Variants in HTR3A observed in about 807,000 individuals in gnomAD.
HTR3A encodes 5-hydroxytryptamine (serotonin) receptor 3A, ionotropic.
HTR3A carries 45 observed loss-of-function variants against 54.8 expected under a neutral mutation model. The observed-to-expected ratio is 0.82, with a 90% confidence interval of 0.65 to 1.05. The LOEUF (loss-of-function observed/expected upper bound fraction) is 1.05. Ranked by LOEUF, HTR3A falls within the 50% of genes least tolerant of loss-of-function variation. The pLI is 0.00. For missense variants in HTR3A, 657 were observed against 614.0 expected, an observed-to-expected ratio of 1.07 and a Z score of -0.74; for synonymous variants, 297 against 256.0, an observed-to-expected ratio of 1.16 and a Z score of -1.53.
chr11:113,977,708 G>T, intron 1 of HTR3A, 63 bp from the exon 2 acceptor site: 1 of 1,584,282 alleles, frequency 6.3e-7, no homozygotes, highest in South Asian at 1.1e-5. Flanking sequence ...TACAAACCAG[G>T]ACAAGAGAAC....
In HTR3A at chr11:113,983,302, G is replaced by T. The variant is rs1950446414; in HGVS notation, c.544+13G>T. The T allele has an allele frequency of 1.2e-6, 2 of 1,613,484 alleles. No homozygotes were observed. Among genetic ancestry groups the T allele is most frequent in the Admixed American group, 3.3e-5 (2 of 60,028 alleles). Reference sequence around the variant, plus strand: ...TGGCTGCACACCAGTGAGTATGTGGGCTTCGCCGGGACAGGGGTGGAGGTT... The same window carrying T: ...TGGCTGCACACCAGTGAGTATGTGGTCTTCGCCGGGACAGGGGTGGAGGTT... On this transcript the variant is annotated intron_variant, in intron 5 of 8. Coordinates refer to ENST00000504030, the MANE Select transcript of HTR3A (RefSeq NM_000869.6).
intron 5 of HTR3A, among the ~76,000 whole-genome samples, chr11:113,984,133 A>G (rs554287153): frequency 5.3e-5 from 8 of 151,718 alleles, no homozygotes; most frequent in African/African-American, 1.9e-4. Flanking sequence ...TGCTCCCCCC[A>G]ACCACACCTA....
Position 113,989,683 on chromosome 11 carries a change from C to A in HTR3A, c.1357C>A (p.Leu453Ile), listed in dbSNP as rs775045293. The A allele has an allele frequency of 2.5e-6, 4 of 1,614,166 alleles. No individual in the cohort carries two copies. The South Asian group carries it at 4.4e-5, about 18-fold the overall frequency. Residue 453 changes from leucine to isoleucine, a missense_variant, in exon 9 of 9, where the codon CTA becomes ATA. Coordinates refer to ENST00000504030, the MANE Select transcript of HTR3A (RefSeq NM_000869.6). This position sits in a 1 kb window ranked among gnomAD's most constrained non-coding sequence, Gnocchi z 4.4. ...CGTGGGCTCCGTGCTGGACAAGCTG[C>A]TATTCCACATTTACCTGCTAGCGGT... ...LRVGSVLDKL[L>I]FHIYLLAVLA...
rs1432547736 is a variant in HTR3A, at chr11:113,990,044, G to A, written c.*281G>A. 4 of 604,318 alleles carry A rather than the reference G, an allele frequency of 6.6e-6. No homozygotes were observed. In the East Asian group the frequency reaches 1.1e-4, roughly 16 times the overall value. The allele number at this position is 604,318 out of a possible 1,614,324, so 37.4% of individuals were successfully genotyped here. On this transcript the variant is annotated 3_prime_UTR_variant, in exon 9 of 9. Transcript: ENST00000504030. ...CTGTCTTAGATCAGGAGAAACTCGG[G>A]CACTCCCTAAGTCCACTCTAGTTGT...
At chr11:113,977,604 C>A in intron 1 of HTR3A, 167 bp from the exon 2 acceptor site, 1 of 1,515,936 alleles carries the variant, frequency 6.6e-7, no homozygotes, top group Non-Finnish European at 9.0e-7. Context: ...TGGTAGAAAT[C>A]TCTGCAGACA....
rs201381381 is a variant in HTR3A, at chr11:113,986,531, G to A, written c.719G>A (p.Arg240Gln). The change falls in exon 7 of 9, where the codon CGG becomes CAG. Residue 240 changes from arginine to glutamine, a missense_variant. Physicochemically the swap from Arg to Gln is conservative, Grantham distance 43. Coordinates refer to ENST00000504030, the MANE Select transcript of HTR3A (RefSeq NM_000869.6). ...CTCCGGTCCCAGGTGGTCATCCGCC[G>A]GCGGCCCCTCTTCTATGTGGTCAGC... ...AEMKFYVVIR[R>Q]RPLFYVVSLL... The A allele has an allele frequency of 2.6e-4, 413 of 1,612,596 alleles. 1 individual carries two copies. The highest frequency in any genetic ancestry group is 3.1e-4 in the Non-Finnish European group (368 of 1,180,008).
intron 3 of HTR3A, among the ~76,000 whole-genome samples, chr11:113,980,024 C>T (rs1950402806): frequency 6.6e-6 from 1 of 152,178 alleles, no homozygotes; most frequent in Admixed American, 6.5e-5. Flanking sequence ...CACCACCAGA[C>T]ATGGGACAGG....
intron 2 of HTR3A, among the ~76,000 whole-genome samples, chr11:113,978,237 A>G (rs1459569806): frequency 6.6e-6 from 1 of 152,182 alleles, no homozygotes; most frequent in Non-Finnish European, 1.5e-5. Flanking sequence ...GGTCCCATGC[A>G]TCTCTATGCT....
rs1375494476 is a variant in HTR3A, at chr11:113,989,452, G to C, written c.1139-13G>C. The C allele has an allele frequency of 1.2e-6, 2 of 1,613,702 alleles. No individual in the cohort carries two copies. Among genetic ancestry groups the C allele is most frequent in the South Asian group, 2.2e-5 (2 of 91,078 alleles). On this transcript the variant is annotated splice_polypyrimidine_tract_variant and intron_variant, in intron 8 of 8. Transcript: ENST00000504030. The surrounding 1 kb of genome is among the most constrained non-coding windows in gnomAD (Gnocchi z 4.4). Reference sequence around the variant, plus strand: ...GGTCTCCCTCTCTTGCCAATGCCCTGCCCTTCTTCCAGCCATGGGAAACCA... The same window carrying C: ...GGTCTCCCTCTCTTGCCAATGCCCTCCCCTTCTTCCAGCCATGGGAAACCA...
intron 1 of HTR3A, among the ~76,000 whole-genome samples, chr11:113,976,083 G>T (rs1427424374): frequency 6.6e-6 from 1 of 152,058 alleles, no homozygotes; most frequent in Non-Finnish European, 1.5e-5. Context: ...CCTCTAGGAG[G>T]TTTCTCTCCC....
Position 113,983,202 on chromosome 11 carries a change from G to T in HTR3A, c.457G>T (p.Val153Leu). 1 of 1,614,184 alleles carries T rather than the reference G, an allele frequency of 6.2e-7. No homozygotes were observed. Among genetic ancestry groups the T allele is most frequent in the Non-Finnish European group, 8.5e-7 (1 of 1,180,030 alleles). The change falls in exon 5 of 9, where the codon GTG (valine) becomes TTG (leucine). Residue 153 changes from valine to leucine, a missense_variant. Physicochemically the swap from Val to Leu is conservative, Grantham distance 32. Coordinates refer to ENST00000504030, the MANE Select transcript of HTR3A (RefSeq NM_000869.6). ...AGTTCAGAACTACAAGCCCCTTCAGGTGGTGACTGCCTGTAGCCTCGACAT... is the reference window on the plus strand; with the variant it reads ...AGTTCAGAACTACAAGCCCCTTCAGTTGGTGACTGCCTGTAGCCTCGACAT... The part of the protein sequence containing the change: ...GEVQNYKPLQ[V>L]VTACSLDIYN...
At position 113,979,302 on chromosome 11, in the gene HTR3A, C is replaced by T. The variant is rs756581312; in HGVS notation, c.264+25C>T. Reference sequence around the variant, plus strand: ...GGTGAGCAGACCCGCCCCTCCCTGCCCCCGTTACCCATCCTCCTGGGAAGG... The same window carrying T: ...GGTGAGCAGACCCGCCCCTCCCTGCTCCCGTTACCCATCCTCCTGGGAAGG... On this transcript the variant is annotated intron_variant, in intron 3 of 8. Transcript: ENST00000504030. The T allele has an allele frequency of 1.0e-5, 16 of 1,585,902 alleles. 1 individual carries two copies. The African/African-American group carries it at 2.1e-4, about 21-fold the overall frequency.
chr11:113,976,067 C>T (rs1465478315), intron 1 of HTR3A, among the ~76,000 whole-genome samples: 2 of 152,090 alleles, frequency 1.3e-5, no homozygotes, highest in Admixed American at 6.6e-5. Flanking sequence ...AGACCATGTT[C>T]ATTCCCCTCT....
At chr11:113,985,465 T>G (rs998713844) in intron 5 of HTR3A, among the ~76,000 whole-genome samples, 6 of 152,236 alleles carry the variant, frequency 3.9e-5, no homozygotes, top group Non-Finnish European at 5.9e-5. Context: ...GATATTTCAG[T>G]ATTTTCCAAT....
At position 113,979,152 on chromosome 11, in the gene HTR3A, C is replaced by T. The variant is rs1421002908; in HGVS notation, c.220-81C>T. The T allele has an allele frequency of 4.7e-6, 5 of 1,065,356 alleles. No homozygotes were observed. In the Admixed American group the frequency reaches 5.1e-5, roughly 11 times the overall value. 66.0% of individuals were successfully genotyped at this position (1,065,356 alleles called of 1,614,324 possible). A position where few individuals can be genotyped will look rare whatever the true frequency, so the allele number is the denominator to read the frequency against. On this transcript the variant is annotated intron_variant, in intron 2 of 8. Transcript: ENST00000504030. ...CCAAAGCAATAGGGACACAAGGAAGCCCCTCCTTTAGGGGCTGGCATGTGC... is the reference window on the plus strand; with the variant it reads ...CCAAAGCAATAGGGACACAAGGAAGTCCCTCCTTTAGGGGCTGGCATGTGC...
rs1222969819 is a variant in HTR3A at position 113,975,306 on chromosome 11, C to T, written c.-20C>T. On this transcript the variant is annotated 5_prime_UTR_variant, in exon 1 of 9. Transcript: ENST00000504030. ...TCGTCCTGAGCACTCGGAGGCACTC[C>T]TATGCTTGGAAAGCTCGCTATGCTG... The T allele has an allele frequency of 1.9e-6, 3 of 1,613,236 alleles. No homozygotes were observed. The highest frequency in any genetic ancestry group is 2.2e-5 in the South Asian group (2 of 91,004).
intron 3 of HTR3A, 32 bp from the exon 4 acceptor site, chr11:113,981,171 G>A (rs774578610): frequency 6.6e-6 from 9 of 1,360,602 alleles, no homozygotes; most frequent in Non-Finnish European, 9.5e-6. Context: ...GATGGAGGGG[G>A]CTGCCTGTGA....
chr11:113,975,516 A>G (rs1442198702), intron 1 of HTR3A, 124 bp downstream of exon 1: 2 of 776,072 alleles, frequency 2.6e-6, no homozygotes, highest in Non-Finnish European at 4.4e-6. Context: ...CAGGAAGGTC[A>G]GCTATCTTAC....
In HTR3A at chr11:113,983,169, C is replaced by G; in HGVS notation, c.424C>G (p.Gln142Glu). ...TATCCCGTACGTGTATATTCGGCATCAAGGCGAAGTTCAGAACTACAAGCC... is the reference window on the plus strand; with the variant it reads ...TATCCCGTACGTGTATATTCGGCATGAAGGCGAAGTTCAGAACTACAAGCC... ...PNIPYVYIRH[Q>E]GEVQNYKPLQ... Residue 142 changes from glutamine (Q) to glutamate (E), a missense_variant, in exon 5 of 9, where the codon CAA becomes GAA. Gln to Glu is a conservative substitution (Grantham distance 29). Coordinates refer to ENST00000504030, the MANE Select transcript of HTR3A (RefSeq NM_000869.6). The G allele has an allele frequency of 6.2e-7, 1 of 1,614,216 alleles. No individual in the cohort carries two copies. Among genetic ancestry groups the G allele is most frequent in the Non-Finnish European group, 8.5e-7 (1 of 1,180,032 alleles).
Sources: allele counts gnomAD v4.1 joint callset (sites outside exome capture counted in the v4.1 genomes callset), GRCh38; gene constraint gnomAD v4.1.1; non-coding constraint Gnocchi (gnomAD v3.1); transcripts MANE v1.5; gene names NCBI Gene and HGNC (gene_info 2026-07-23, HGNC 2026-07-21).